The following NWD1 variants were observed in gnomAD, a reference collection of about 807,000 sequenced individuals.
NWD1 encodes the protein NACHT and WD repeat domain containing 1, also known as NACHT domain- and WD repeat-containing protein 1.
A neutral mutation model predicts 135.1 loss-of-function variants in NWD1; 129 were observed. That is an observed-to-expected ratio of 0.96 (90% CI 0.83 to 1.11). The LOEUF is 1.11. Among genes scored for constraint, NWD1 ranks in the 50% least tolerant of loss-of-function variants. The pLI, the probability that NWD1 is intolerant of heterozygous loss-of-function variation, is 0.00. For synonymous variants in NWD1, 773 were observed against 786.0 expected (o/e 0.98, Z 0.28); for missense variants, 1,740 against 1,851.3 (o/e 0.94, Z 1.10).
chr19:16,745,385 C>A (rs1968269005), intron 5 of NWD1, among the ~76,000 whole-genome samples: 1 of 151,970 alleles, frequency 6.6e-6, no homozygotes, highest in South Asian at 2.1e-4. Context: ...CGACTACCAT[C>A]CCAGTTTGCC....
chr19:16,727,014 G>T (rs1039005990), intron 2 of NWD1, among the ~76,000 whole-genome samples: 2 of 152,110 alleles, frequency 1.3e-5, no homozygotes, highest in Non-Finnish European at 2.9e-5. Context: ...GGGGTGGGAA[G>T]GGCAGAATGG....
intron 18 of NWD1, chr19:16,812,691 C>G: frequency 1.3e-6 from 1 of 779,118 alleles, no homozygotes; most frequent in Non-Finnish European, 2.4e-6. Flanking sequence ...AACAAACAAA[C>G]AAACAAACAA....
At position 16,749,690 on chromosome 19, in the gene NWD1, C is replaced by T. The variant is rs774210428; in HGVS notation, c.1048C>T (p.Leu350=). 2 of 1,602,182 alleles carry T rather than the reference C, an allele frequency of 1.2e-6. No homozygotes were observed. The highest frequency in any genetic ancestry group is 4.5e-5 in the East Asian group (2 of 44,720). ...FGPPGIGKTA[L]MCKLAEQMPR... is the part of the protein sequence containing the mutation. ...GCCCCCAGGCATTGGAAAGACAGCC[C>T]TGATGTGCAAGCTGGCTGAGCAGAT... Residue 350 remains leucine, a synonymous_variant, in exon 6 of 19, where the codon CTG becomes TTG. Coordinates refer to ENST00000524140, the MANE Select transcript of NWD1 (RefSeq NM_001007525.5).
intron 18 of NWD1, among the ~76,000 whole-genome samples, chr19:16,810,437 C>CAAAAAAAAAAAA (rs529841524): frequency 1.2e-4 from 8 of 66,244 alleles, no homozygotes; most frequent in African/African-American, 2.2e-4. Flanking sequence ...GACTCCATCT[C>CAAAAAAAAAAAA]AAAAAAAAAA....
At chr19:16,800,702 C>CAG (rs907114149) in intron 17 of NWD1, among the ~76,000 whole-genome samples, 91 of 151,856 alleles carry the variant, frequency 6.0e-4, no homozygotes, top group African/African-American at 2.1e-3. Context: ...GATGTGTCCC[C>CAG]AGAGAGAGAG....
chr19:16,773,866 A>G (rs1179817569), intron 11 of NWD1, among the ~76,000 whole-genome samples: 1 of 145,614 alleles, frequency 6.9e-6, no homozygotes, highest in Non-Finnish European at 1.5e-5. Flanking sequence ...CTCTCTATCT[A>G]CCTCCCACCC....
intron 17 of NWD1, 98 bp downstream of exon 17, chr19:16,800,260 C>T: frequency 5.6e-6 from 7 of 1,256,170 alleles, no homozygotes; most frequent in Non-Finnish European, 7.7e-6. Context: ...CAGGCTGGGC[C>T]CCATGGCTCA....
intron 2 of NWD1, among the ~76,000 whole-genome samples, chr19:16,726,276 T>A (rs1203786905): frequency 6.6e-6 from 1 of 151,642 alleles, no homozygotes; most frequent in Non-Finnish European, 1.5e-5. Context: ...GCTCTATTTT[T>A]AAAAAACTTT....
chr19:16,743,948 G>T (rs1968194696), intron 4 of NWD1, among the ~76,000 whole-genome samples: 1 of 152,104 alleles, frequency 6.6e-6, no homozygotes, highest in African/African-American at 2.4e-5. Flanking sequence ...CTCCCAAAGT[G>T]CTGGGATTAC....
At chr19:16,720,954 G>A (rs1364059255) in intron 1 of NWD1, among the ~76,000 whole-genome samples, 1 of 151,494 alleles carries the variant, frequency 6.6e-6, no homozygotes, top group Non-Finnish European at 1.5e-5. Context: ...GGGTTCAAGC[G>A]ATTCTCCTGC....
intron 6 of NWD1, 49 bp from the exon 7 acceptor site, chr19:16,759,176 T>C (rs1384649796): frequency 6.7e-7 from 1 of 1,491,676 alleles, no homozygotes; most frequent in Non-Finnish European, 9.3e-7. Flanking sequence ...ATCCTCCAAA[T>C]GCAGAAGACA....
intron 12 of NWD1, among the ~76,000 whole-genome samples, chr19:16,784,670 C>CG (rs1969976894): frequency 6.6e-6 from 1 of 152,056 alleles, no homozygotes; most frequent in Admixed American, 6.6e-5. Context: ...GTGGCTCACG[C>CG]CTGTAATCCC....
chr19:16,796,063 G>A (rs1043688119), intron 15 of NWD1, among the ~76,000 whole-genome samples: 1 of 152,192 alleles, frequency 6.6e-6, no homozygotes, highest in Non-Finnish European at 1.5e-5. Flanking sequence ...CTCTCAGTGT[G>A]GCTGAGTCTG....
At chr19:16,769,518 C>CT (rs1969342561) in intron 10 of NWD1, among the ~76,000 whole-genome samples, 4 of 151,786 alleles carry the variant, frequency 2.6e-5, no homozygotes, top group Non-Finnish European at 4.4e-5. Context: ...CTAGATGGTT[C>CT]TCCCATTGTC....
rs1035877816 is a variant in NWD1, at chr19:16,728,976, A to G, written c.-6-2216A>G. ...AAAAAAAAAAAAAATAAGTAATTGC[A>G]GCTTGTGGGCCAGGTGTGGTGGTTC... On this transcript the variant is annotated intron_variant, in intron 2 of 18. Transcript: ENST00000524140. 2.8e-5 allele frequency among the ~76,000 whole-genome samples: 4 copies of G among 142,388 alleles called. No individual in the cohort carries two copies. In the South Asian group the frequency reaches 9.0e-4, roughly 32 times the overall value. The allele number at this position is 142,388 out of a possible 152,430, so 93.4% of individuals were successfully genotyped here.
chr19:16,773,208 C>T lies in NWD1; in HGVS notation c.2493C>T (p.Cys831=). The change falls in exon 11 of 19, where the codon TGC becomes TGT. Residue 831 remains cysteine, a synonymous_variant. Coordinates refer to ENST00000524140, the MANE Select transcript of NWD1 (RefSeq NM_001007525.5). ...TSHPALVGQL[C]QQAQSWFQLC... ...ATCCAGCACTGGTGGGACAGCTATGCCAACAGGCCCAGAGCTGGTTCCAGT... is the reference window on the plus strand; with the variant it reads ...ATCCAGCACTGGTGGGACAGCTATGTCAACAGGCCCAGAGCTGGTTCCAGT... The T allele has an allele frequency of 6.2e-7, 1 of 1,613,796 alleles. No individual in the cohort carries two copies. The highest frequency in any genetic ancestry group is 8.5e-7 in the Non-Finnish European group (1 of 1,179,946).
chr19:16,724,723 C>T (rs903589978), intron 2 of NWD1, among the ~76,000 whole-genome samples: 4 of 152,116 alleles, frequency 2.6e-5, no homozygotes. Context: ...GACGAAGTTT[C>T]GCTCCTATTG....
chr19:16,764,744 A>G lies in NWD1; in HGVS notation c.2252-290A>G, dbSNP rs568064774. On this transcript the variant is annotated intron_variant, in intron 9 of 18. Transcript: ENST00000524140. ...TCACCAATCCCCGTGATTCTTAACC[A>G]GAAGAGATTCTGCCCCCCCAGGGGA... Among the ~76,000 whole-genome samples the G allele has an allele frequency of 9.2e-5, 14 of 152,204 alleles. No individual in the cohort carries two copies. The South Asian group carries it at 2.7e-3, about 29-fold the overall frequency.
At chr19:16,761,926 CTTTG>C in intron 7 of NWD1, 49 bp from the exon 8 acceptor site, 2 of 1,524,728 alleles carry the variant, frequency 1.3e-6, no homozygotes, top group South Asian at 2.3e-5. Flanking sequence ...AAGCAGCCAC[CTTTG>C]AGCTTGATGG....
Sources: gnomAD v4.1 joint callset for allele counts (sites outside exome capture counted in the v4.1 genomes callset) on GRCh38, gnomAD v4.1.1 for gene constraint, MANE v1.5 for transcripts, NCBI Gene and HGNC (gene_info 2026-07-23, HGNC 2026-07-21) for gene names.